ZGRF1: variants seen among roughly 807,000 people sequenced by gnomAD.
The protein encoded by ZGRF1 is zinc finger GRF-type containing 1, also known as 5'-3' DNA helicase ZGRF1.
ZGRF1 carries 196 observed loss-of-function variants against 203.5 expected under a neutral mutation model. That is an observed-to-expected ratio of 0.96 (90% confidence interval 0.86 to 1.08). ZGRF1 has a LOEUF of 1.08. ZGRF1 is among the 50% of genes least tolerant of loss of function. ZGRF1 has a pLI of 0.00. For missense variants in ZGRF1, 2,326 were observed against 2,416.3 expected, an observed-to-expected ratio of 0.96 and a Z score of 0.78; for synonymous variants, 809 against 841.3, an observed-to-expected ratio of 0.96 and a Z score of 0.66.
rs528750842 is a variant in ZGRF1, at chr4:112,631,943, T to C, written c.89A>G (p.His30Arg). ...VWQDGILKIT[H>R]LGNKAILYDD... ...CTTTGTACTCACTTTGTTTCCTAAG[T>C]GAGTGATCTTCAGAATTCCATCTTG... The change falls in exon 3 of 28, where the codon CAC (histidine) becomes CGC (arginine). Residue 30 changes from histidine (H) to arginine (R), a missense_variant. Physicochemically the swap from His to Arg is conservative, Grantham distance 29. Transcript: ENST00000505019. 3 of 1,595,984 alleles carry C rather than the reference T, an allele frequency of 1.9e-6. No homozygotes were observed. Among genetic ancestry groups the C allele is most frequent in the South Asian group, 2.3e-5 (2 of 86,742 alleles).
At chr4:112,576,653 C>G (rs535983138) in intron 16 of ZGRF1, among the ~76,000 whole-genome samples, 1 of 151,988 alleles carries the variant, frequency 6.6e-6, no homozygotes, top group African/African-American at 2.4e-5. Flanking sequence ...GTAGCCGATT[C>G]GATCAACTGG....
At chr4:112,575,546 A>G (rs1745023092) in intron 16 of ZGRF1, among the ~76,000 whole-genome samples, 1 of 152,190 alleles carries the variant, frequency 6.6e-6, no homozygotes, top group Non-Finnish European at 1.5e-5. Context: ...GGTGTGACAG[A>G]CGGCACCTGG....
intron 7 of ZGRF1, among the ~76,000 whole-genome samples, chr4:112,612,320 T>C (rs1288431056): frequency 1.3e-5 from 2 of 152,220 alleles, no homozygotes; most frequent in Non-Finnish European, 2.9e-5. Flanking sequence ...AGGAAATACT[T>C]GAGTTGCTTA....
chr4:112,590,721 T>A (rs916439930), intron 10 of ZGRF1, among the ~76,000 whole-genome samples: 5 of 151,464 alleles, frequency 3.3e-5, no homozygotes, highest in Non-Finnish European at 7.4e-5. Context: ...AGGTCAGGAG[T>A]TCGAGACCAG....
chr4:112,601,379 A>C (rs1226069462), intron 10 of ZGRF1, among the ~76,000 whole-genome samples: 1 of 152,050 alleles, frequency 6.6e-6, no homozygotes, highest in Non-Finnish European at 1.5e-5. Context: ...GCAAATTGTT[A>C]AGCTAGTTCT....
At position 112,609,425 on chromosome 4, in the gene ZGRF1, A is replaced by C; in HGVS notation, c.2672T>G (p.Leu891Arg). The C allele has an allele frequency of 6.5e-7, 1 of 1,526,864 alleles. No homozygotes were observed. Among genetic ancestry groups the C allele is most frequent in the Non-Finnish European group, 9.0e-7 (1 of 1,109,304 alleles). 94.6% of individuals were successfully genotyped at this position (1,526,864 alleles called of 1,614,324 possible). A position where few individuals can be genotyped will look rare whatever the true frequency, so the allele number is the denominator to read the frequency against. ...ACTTAGTTCAACTTCATCTTCTTTT[A>C]GTATCTTAGGAATAGAATATTAATT... Reference protein sequence around the residue: ...PHLHKDSQQILKEDEVELSEP... With the variant: ...PHLHKDSQQIRKEDEVELSEP... Residue 891 changes from leucine to arginine, a missense_variant, in exon 8 of 28, where the codon CTA becomes CGA. By Grantham distance (102) the Leu-to-Arg change is moderately radical (BLOSUM62 -2). Transcript: ENST00000505019.
At chr4:112,608,731 T>C (rs1404692810) in intron 8 of ZGRF1, among the ~76,000 whole-genome samples, 1 of 152,268 alleles carries the variant, frequency 6.6e-6, no homozygotes, top group African/African-American at 2.4e-5. Context: ...TAATTTTATA[T>C]GTGTAATCTT....
Position 112,539,436 on chromosome 4 carries a change from TTAAA to T in ZGRF1, c.*107_*110del. ...TTTTTACATGTGTTTACTATGTTAT[TTAAA>T]TATCATATTTTTAATAAGAGGGTTT... On this transcript the variant is annotated 3_prime_UTR_variant, in exon 28 of 28. Coordinates refer to ENST00000505019, the MANE Select transcript of ZGRF1 (RefSeq NM_018392.5). 1 of 599,282 alleles carries T rather than the reference TTAAA, an allele frequency of 1.7e-6. No homozygotes were observed. Among genetic ancestry groups the T allele is most frequent in the East Asian group, 3.1e-5 (1 of 32,176 alleles). 37.1% of individuals were successfully genotyped at this position (599,282 alleles called of 1,614,324 possible).
rs1238930014 is a variant in ZGRF1 at position 112,619,113 on chromosome 4, T to G, written c.929A>C (p.Asn310Thr). 6.2e-7 allele frequency: 1 copy of G among 1,613,842 alleles called. No homozygotes were observed. Among genetic ancestry groups the G allele is most frequent in the South Asian group, 1.1e-5 (1 of 91,070 alleles). ...TTCTGATTGATGCTGGTAGTATAAA[T>G]TTTCTGTGCTCTTCATCTCAGCACA... The part of the protein sequence containing the change: ...EECAEMKSTE[N>T]LYYQHQSENT... Residue 310 changes from asparagine to threonine, a missense_variant, in exon 6 of 28, where the codon AAT becomes ACT. By Grantham distance (65) the Asn-to-Thr change is moderately conservative. Coordinates refer to ENST00000505019, the MANE Select transcript of ZGRF1 (RefSeq NM_018392.5).
chr4:112,558,189 G>A lies in ZGRF1; in HGVS notation c.5081C>T (p.Ser1694Phe). The A allele has an allele frequency of 6.2e-7, 1 of 1,609,432 alleles. No homozygotes were observed. Among genetic ancestry groups the A allele is most frequent in the South Asian group, 1.1e-5 (1 of 90,062 alleles). ...GTCAACAGCCACATTAGTAGAAGAA[G>A]AAATCAGAAGTTTCCACGGCCTTGC... ...GNARPWKLLI[S>F]SSTNVAVDRV... The change falls in exon 20 of 28, where the codon TCT (serine) becomes TTT (phenylalanine). Residue 1694 changes from serine to phenylalanine, a missense_variant. Transcript: ENST00000505019.
rs762410665 is a variant in ZGRF1 at position 112,617,550 on chromosome 4, G to A, written c.2492C>T (p.Ser831Leu). Residue 831 changes from serine (S) to leucine (L), a missense_variant, in exon 6 of 28, where the codon TCG (serine) becomes TTG (leucine). By Grantham distance (145) the Ser-to-Leu change is moderately radical (BLOSUM62 -2). Coordinates refer to ENST00000505019, the MANE Select transcript of ZGRF1 (RefSeq NM_018392.5). ...GLVNTISILK[S>L]LCEHSTALDS... ...TAAAGCAGTACTGTGTTCACATAGC[G>A]ACTTTAAAATAGAAATGGTATTTAC... The A allele has an allele frequency of 2.4e-5, 39 of 1,613,110 alleles. No homozygotes were observed. Among genetic ancestry groups the A allele is most frequent in the Non-Finnish European group, 3.0e-5 (35 of 1,179,624 alleles).
chr4:112,624,669 GA>G (rs149806807), intron 3 of ZGRF1, among the ~76,000 whole-genome samples: 10 of 151,898 alleles, frequency 6.6e-5, no homozygotes, highest in African/African-American at 2.4e-4. Flanking sequence ...GGTAAGGGGG[GA>G]AAAAGGATGC....
Position 112,620,112 on chromosome 4 carries a change from T to C in ZGRF1, c.241A>G (p.Ile81Val). The C allele has an allele frequency of 6.2e-7, 1 of 1,613,620 alleles. No individual in the cohort carries two copies. Among genetic ancestry groups the C allele is most frequent in the Non-Finnish European group, 8.5e-7 (1 of 1,179,694 alleles). ...EEVKVAGAIG[I>V]VKQNVNKEAP... ...TCTTTATTGACATTCTGCTTAACAA[T>C]ACCTATGGCTCCAGCAACTTTAACC... Residue 81 changes from isoleucine to valine, a missense_variant, in exon 5 of 28, where the codon ATT (isoleucine) becomes GTT (valine). Physicochemically the swap from Ile to Val is conservative, Grantham distance 29. Transcript: ENST00000505019.
chr4:112,614,020 T>C (rs1316733759), intron 6 of ZGRF1, among the ~76,000 whole-genome samples: 1 of 152,220 alleles, frequency 6.6e-6, no homozygotes, highest in Non-Finnish European at 1.5e-5. Flanking sequence ...AAAATTGATA[T>C]TGTTTTCCTT....
chr4:112,588,078 TGGTTTTAACCTCAAAAAATAAA>T (rs1747538712), intron 11 of ZGRF1, 149 bp from the exon 12 acceptor site: 1 of 540,682 alleles, frequency 1.8e-6, no homozygotes. Context: ...AAAAAATTAA[TGGTTTTAACCTCAAAAAATAAA>T]GATTTCAAAG....
chr4:112,584,229 G>T (rs1423894837), intron 14 of ZGRF1, 55 bp from the exon 15 acceptor site: 5 of 1,255,724 alleles, frequency 4.0e-6, no homozygotes, highest in Middle Eastern at 2.0e-4. Context: ...TTTATTTTTC[G>T]ATTATTTTTG....
At chr4:112,563,601 A>G (rs866754871) in intron 16 of ZGRF1, among the ~76,000 whole-genome samples, 17 of 152,220 alleles carry the variant, frequency 1.1e-4, no homozygotes, top group African/African-American at 2.4e-4. Context: ...GTTTGCTACA[A>G]TGGAAATCCC....
In ZGRF1 at chr4:112,587,948, C is replaced by A. The variant is rs1460477415; in HGVS notation, c.3128-19G>T. On this transcript the variant is annotated intron_variant, in intron 11 of 27. Transcript: ENST00000505019. ...TTCATCCCTGAAAGAAAACAGAATG[C>A]TGATTAAATAAAAATGTTCTACTAG... 1 of 1,490,846 alleles carries A rather than the reference C, an allele frequency of 6.7e-7. No individual in the cohort carries two copies. Among genetic ancestry groups the A allele is most frequent in the East Asian group, 2.5e-5 (1 of 40,500 alleles). The allele number at this position is 1,490,846 out of a possible 1,614,324, so 92.4% of individuals were successfully genotyped here.
chr4:112,565,484 T>C, intron 16 of ZGRF1: 1 of 659,858 alleles, frequency 1.5e-6, no homozygotes, highest in Non-Finnish European at 2.6e-6. Context: ...TTCTGAACGT[T>C]AGGTATTTTT....
Sources: allele counts gnomAD v4.1 joint callset (sites outside exome capture counted in the v4.1 genomes callset), GRCh38; gene constraint gnomAD v4.1.1; transcripts MANE v1.5; gene names NCBI Gene and HGNC (gene_info 2026-07-23, HGNC 2026-07-21).